Variants in CPNE4 observed in about 807,000 individuals in gnomAD.
CPNE4 encodes copine-4.
A neutral mutation model predicts 67.9 loss-of-function variants in CPNE4; 25 were observed. The observed-to-expected ratio is 0.37, with a 90% CI of 0.27 to 0.51. CPNE4 has a LOEUF of 0.51. CPNE4 is among the 20% of genes least tolerant of loss of function. The probability of loss-of-function intolerance (pLI) is 0.93; values close to 1 mark genes in which losing one functional copy is unlikely to be tolerated. For missense variants in CPNE4, 464 were observed against 690.8 expected, an observed-to-expected ratio of 0.67 and a Z score of 3.68; for synonymous variants, 242 against 244.9, an observed-to-expected ratio of 0.99 and a Z score of 0.11.
chr3:131,722,820 A>G (rs1471261891), intron 3 of CPNE4, among the ~76,000 whole-genome samples: 1 of 152,230 alleles, frequency 6.6e-6, no homozygotes, highest in Non-Finnish European at 1.5e-5. Context: ...GATGAAGTTT[A>G]GAGTCAGGAA....
chr3:131,708,984 A>ATATATATATATATATG (rs1378720845), intron 3 of CPNE4, among the ~76,000 whole-genome samples: 1 of 116,472 alleles, frequency 8.6e-6, no homozygotes, highest in Non-Finnish European at 1.8e-5. Flanking sequence ...ATATATATAT[A>ATATATATATATATATG]TATATATATA....
At chr3:131,916,404 A>G (rs2089187395) in intron 1 of CPNE4, among the ~76,000 whole-genome samples, 1 of 151,840 alleles carries the variant, frequency 6.6e-6, no homozygotes, top group African/African-American at 2.4e-5. Context: ...GGGAGAAACG[A>G]CAGACAACAT....
chr3:131,863,409 T>G (rs1255864375), intron 2 of CPNE4, among the ~76,000 whole-genome samples: 1 of 152,198 alleles, frequency 6.6e-6, no homozygotes, highest in Non-Finnish European at 1.5e-5. Flanking sequence ...TTCTAACTGG[T>G]ATGAGATGGT....
chr3:131,897,541 T>C (rs2088384518), intron 2 of CPNE4, among the ~76,000 whole-genome samples: 2 of 152,020 alleles, frequency 1.3e-5, no homozygotes, highest in African/African-American at 4.8e-5. Flanking sequence ...GCAAGTTACT[T>C]AACACCTCTG....
intron 2 of CPNE4, among the ~76,000 whole-genome samples, chr3:131,745,046 A>G (rs2082454934): frequency 6.6e-6 from 1 of 152,176 alleles, no homozygotes; most frequent in Admixed American, 6.5e-5. Flanking sequence ...TTACATTCCC[A>G]TTAGCAAAGC....
intron 3 of CPNE4, among the ~76,000 whole-genome samples, chr3:131,714,126 T>C (rs2081624204): frequency 6.6e-6 from 1 of 152,136 alleles, no homozygotes; most frequent in Non-Finnish European, 1.5e-5. Flanking sequence ...GGATATTAGA[T>C]AGTATGCAAC....
intron 2 of CPNE4, among the ~76,000 whole-genome samples, chr3:131,903,891 T>C (rs1015478687): frequency 6.6e-6 from 1 of 152,112 alleles, no homozygotes; most frequent in Non-Finnish European, 1.5e-5. Flanking sequence ...TCGCCAAGTG[T>C]AGCACAGTTG....
At chr3:131,773,728 T>C (rs2083227247) in intron 2 of CPNE4, among the ~76,000 whole-genome samples, 1 of 152,192 alleles carries the variant, frequency 6.6e-6, no homozygotes, top group South Asian at 2.1e-4. Context: ...TATAGAATTT[T>C]GATATCTTTT....
intron 2 of CPNE4, among the ~76,000 whole-genome samples, chr3:131,859,108 G>C (rs2086571445): frequency 6.6e-6 from 1 of 152,106 alleles, no homozygotes; most frequent in South Asian, 2.1e-4. Context: ...GTTTACACAA[G>C]CCAAATGATG....
Position 131,581,670 on chromosome 3 carries a change from A to G in CPNE4, c.781-5T>C. 1 of 1,600,182 alleles carries G rather than the reference A, an allele frequency of 6.2e-7. No homozygotes were observed. The highest frequency in any genetic ancestry group is 8.6e-7 in the Non-Finnish European group (1 of 1,167,278). ...ATTGATGCACTCCCACTGCACCTGA[A>G]AGAAGGGTCATAGCATGAGAATCTG... On this transcript the variant is annotated splice_region_variant and splice_polypyrimidine_tract_variant and intron_variant, in intron 8 of 15. Coordinates refer to ENST00000429747, the MANE Select transcript of CPNE4 (RefSeq NM_130808.3).
chr3:131,654,233 G>T (rs1381168526), intron 7 of CPNE4, among the ~76,000 whole-genome samples: 3 of 151,788 alleles, frequency 2.0e-5, no homozygotes, highest in African/African-American at 7.3e-5. Flanking sequence ...ATTAGCTATG[G>T]GCTTCCTCAT....
In CPNE4 at chr3:132,001,553, G is replaced by GAGAAAGAAAGAA. The variant is rs763509045; in HGVS notation, c.-2+33002_-2+33013dup. On this transcript the variant is annotated intron_variant, in intron 1 of 15. Transcript: ENST00000429747. ...GAGAAAGAAAGAGACAAAGAAAAAA[G>GAGAAAGAAAGAA]AGAAAGAAAGAAAGAAAGAAAGAAA... 3.6e-3 allele frequency among the ~76,000 whole-genome samples: 370 copies of GAGAAAGAAAGAA among 101,816 alleles called. 2 individuals are homozygous for GAGAAAGAAAGAA. Among genetic ancestry groups the GAGAAAGAAAGAA allele is most frequent in the East Asian group, 0.016 (53 of 3,302 alleles). 66.8% of individuals were successfully genotyped at this position (101,816 alleles called of 152,430 possible). A position where few individuals can be genotyped will look rare whatever the true frequency, so the allele number is the denominator to read the frequency against.
At chr3:131,842,754 A>G (rs1328423983) in intron 2 of CPNE4, among the ~76,000 whole-genome samples, 1 of 150,764 alleles carries the variant, frequency 6.6e-6, no homozygotes, top group Non-Finnish European at 1.5e-5. Flanking sequence ...AAAAAAGAAA[A>G]AGCCATATCT....
At chr3:131,628,787 T>G (rs2079144314) in intron 7 of CPNE4, among the ~76,000 whole-genome samples, 2 of 152,370 alleles carry the variant, frequency 1.3e-5, no homozygotes, top group South Asian at 4.1e-4. Flanking sequence ...TTCTTCTCTC[T>G]TTTCTTCTTT....
At chr3:131,917,287 T>C (rs1400810726) in intron 1 of CPNE4, among the ~76,000 whole-genome samples, 2 of 152,192 alleles carry the variant, frequency 1.3e-5, no homozygotes, top group Non-Finnish European at 2.9e-5. Flanking sequence ...ATGACCTCGC[T>C]AGTGTTGCTA....
At chr3:131,794,689 T>C (rs564377908) in intron 2 of CPNE4, among the ~76,000 whole-genome samples, 15 of 152,342 alleles carry the variant, frequency 9.8e-5, no homozygotes, top group South Asian at 6.2e-4. Flanking sequence ...GGACTTGCAT[T>C]GATAAGGAGT....
At chr3:131,974,858 A>G (rs900892983) in intron 1 of CPNE4, among the ~76,000 whole-genome samples, 10 of 152,074 alleles carry the variant, frequency 6.6e-5, no homozygotes, top group African/African-American at 2.4e-4. Context: ...CAGTACAAAA[A>G]TTAGCCCGGC....
intron 2 of CPNE4, among the ~76,000 whole-genome samples, chr3:131,774,954 T>C (rs1435468460): frequency 1.3e-5 from 2 of 152,160 alleles, no homozygotes; most frequent in African/African-American, 4.8e-5. Context: ...AACATTTGCC[T>C]CAATTATTTT....
intron 2 of CPNE4, among the ~76,000 whole-genome samples, chr3:131,782,930 T>C (rs570950082): frequency 6.6e-6 from 1 of 152,162 alleles, no homozygotes; most frequent in South Asian, 2.1e-4. Flanking sequence ...AAGAACCTTG[T>C]GGCCAACTCT....
Sources: allele counts gnomAD v4.1 joint callset (sites outside exome capture counted in the v4.1 genomes callset), GRCh38; gene constraint gnomAD v4.1.1; transcripts MANE v1.5; gene names NCBI Gene and HGNC (gene_info 2026-07-23, HGNC 2026-07-21).